Variants in TMEM154 observed in about 807,000 individuals in gnomAD.
TMEM154 encodes transmembrane protein 154.
In TMEM154, 27 loss-of-function variants were observed where a neutral mutation model predicts 24.5. The observed-to-expected ratio is 1.10, with a 90% CI of 0.81 to 1.52. The LOEUF is 1.52. Ranked by LOEUF, TMEM154 falls within the 40% of genes most tolerant of loss-of-function variation. The pLI is 0.00. For missense variants in TMEM154, 228 were observed against 213.4 expected (o/e 1.07, Z -0.43); for synonymous variants, 67 against 76.8 (o/e 0.87, Z 0.67).
rs1385090477 is a variant in TMEM154, at chr4:152,628,440, T to G, written c.*106A>C. On this transcript the variant is annotated 3_prime_UTR_variant, in exon 7 of 7. Coordinates refer to ENST00000304385, the MANE Select transcript of TMEM154 (RefSeq NM_152680.3). ...ACAGCAAAAGGTTCTTGTGTCTATG[T>G]TGATTTGAAATTAATTAAATTTGTA... 5.1e-6 allele frequency: 8 copies of G among 1,564,340 alleles called. 1 individual carries two copies. The highest frequency in any genetic ancestry group is 7.0e-6 in the Non-Finnish European group (8 of 1,139,520).
intron 6 of TMEM154, among the ~76,000 whole-genome samples, chr4:152,631,801 T>C: frequency 1.0e-5 from 1 of 97,270 alleles, no homozygotes; most frequent in Admixed American, 1.1e-4. Context: ...CCCTTTTTTT[T>C]TTTTTTTTTT....
chr4:152,630,865 A>G (rs1339726405), intron 6 of TMEM154, among the ~76,000 whole-genome samples: 1 of 152,164 alleles, frequency 6.6e-6, no homozygotes, highest in Non-Finnish European at 1.5e-5. Flanking sequence ...TATTTTATAT[A>G]TTGTTCTGTA....
chr4:152,630,043 G>C (rs1014113712), intron 6 of TMEM154, among the ~76,000 whole-genome samples: 1 of 152,112 alleles, frequency 6.6e-6, no homozygotes, highest in African/African-American at 2.4e-5. Flanking sequence ...GGTGGGCGTG[G>C]TGGCTCACAG....
In TMEM154 at chr4:152,627,207, T is replaced by C. The variant is rs1307712766; in HGVS notation, c.*1339A>G. On this transcript the variant is annotated 3_prime_UTR_variant, in exon 7 of 7. Transcript: ENST00000304385. The stretch of plus-strand genomic sequence containing the variant: ...AAAGGTAGGAGACAAGTAGTTTTTG[T>C]TATGCATTAGGGCAGACTTTCAAGC... 1 of 152,234 alleles carries C rather than the reference T, an allele frequency of 6.6e-6. No homozygotes were observed. The highest frequency in any genetic ancestry group is 1.5e-5 in the Non-Finnish European group (1 of 68,042). 9.4% of individuals were successfully genotyped at this position (152,234 alleles called of 1,614,324 possible).
intron 1 of TMEM154, among the ~76,000 whole-genome samples, chr4:152,676,974 G>A (rs1489793303): frequency 1.3e-5 from 2 of 152,130 alleles, no homozygotes. Flanking sequence ...AATTGCTTTT[G>A]GTTTTCTGAT....
chr4:152,636,812 T>C (rs1343102697), intron 6 of TMEM154, among the ~76,000 whole-genome samples: 2 of 152,220 alleles, frequency 1.3e-5, no homozygotes, highest in Non-Finnish European at 2.9e-5. Flanking sequence ...CTTTCTAGCA[T>C]CAAGGAAAGT....
intron 3 of TMEM154, chr4:152,647,026 A>G (rs1561049379): frequency 4.0e-6 from 3 of 741,028 alleles, no homozygotes; most frequent in African/African-American, 1.7e-5. Context: ...TCACGTTACT[A>G]CATCATGTTT....
In TMEM154 at chr4:152,627,232, C is replaced by T. The variant is rs1751936350; in HGVS notation, c.*1314G>A. The T allele has an allele frequency of 6.6e-6, 1 of 152,200 alleles. No homozygotes were observed. The highest frequency in any genetic ancestry group is 2.4e-5 in the African/African-American group (1 of 41,450). 9.4% of individuals were successfully genotyped at this position (152,200 alleles called of 1,614,324 possible). A position where few individuals can be genotyped will look rare whatever the true frequency, so the allele number is the denominator to read the frequency against. ...TTATGCATTAGGGCAGACTTTCAAGCACAAGACACAAAATTGAGCAGCAAA... is the reference window on the plus strand; with the variant it reads ...TTATGCATTAGGGCAGACTTTCAAGTACAAGACACAAAATTGAGCAGCAAA... On this transcript the variant is annotated 3_prime_UTR_variant, in exon 7 of 7. Coordinates refer to ENST00000304385, the MANE Select transcript of TMEM154 (RefSeq NM_152680.3).
Position 152,640,966 on chromosome 4 carries a change from A to G in TMEM154, c.498T>C (p.Pro166=), listed in dbSNP as rs375720607. 2.7e-4 allele frequency: 436 copies of G among 1,597,550 alleles called. 1 individual carries two copies. The South Asian group carries it at 4.2e-3, about 15-fold the overall frequency. The change falls in exon 6 of 7, where the codon CCT becomes CCC. Residue 166 remains proline (P), a synonymous_variant. Transcript: ENST00000304385. ...TTGATTCCTTCTCTTCCTTCAAGGT[A>G]GGTAAACATTCAAAGTCGGCTAGGA... ...MNRNADFECL[P]TLKEEKESNH...
chr4:152,652,966 CA>C, intron 1 of TMEM154, 39 bp from the exon 2 acceptor site: 1 of 1,537,412 alleles, frequency 6.5e-7, no homozygotes, highest in Non-Finnish European at 8.7e-7. Flanking sequence ...TCCATGGAGA[CA>C]AAGTTAGTAT....
intron 6 of TMEM154, among the ~76,000 whole-genome samples, chr4:152,638,528 T>C (rs1182591518): frequency 6.6e-6 from 1 of 152,142 alleles, no homozygotes; most frequent in East Asian, 1.9e-4. Flanking sequence ...GAATTTTTTT[T>C]TAATCCAGTG....
intron 6 of TMEM154, among the ~76,000 whole-genome samples, chr4:152,635,895 G>A (rs1244602722): frequency 1.3e-5 from 2 of 152,158 alleles, no homozygotes; most frequent in African/African-American, 4.8e-5. Context: ...CTATGTTGCT[G>A]CTTAATGTAA....
chr4:152,642,182 G>C (rs925053457), intron 5 of TMEM154, among the ~76,000 whole-genome samples: 8 of 151,978 alleles, frequency 5.3e-5, no homozygotes, highest in Admixed American at 3.9e-4. Context: ...GCCTCCAAAA[G>C]TGCTGGGATT....
chr4:152,636,422 C>G (rs921618274), intron 6 of TMEM154, among the ~76,000 whole-genome samples: 1 of 152,232 alleles, frequency 6.6e-6, no homozygotes, highest in African/African-American at 2.4e-5. Context: ...TCCCCTCCCC[C>G]ATGATTCCTT....
Position 152,628,756 on chromosome 4 carries a change from C to A in TMEM154, c.537-195G>T, listed in dbSNP as rs1751974013. ...GGTTCAGGTCATTCTCCTGCCTCAG[C>A]CTCCTGAGTAGCTGGGACTACAGGC... is the stretch of plus-strand genomic sequence containing the variant. On this transcript the variant is annotated intron_variant, in intron 6 of 6. Transcript: ENST00000304385. 2.0e-5 allele frequency among the ~76,000 whole-genome samples: 3 copies of A among 150,334 alleles called. No homozygotes were observed. The South Asian group carries it at 6.3e-4, about 31-fold the overall frequency.
chr4:152,650,920 C>T (rs941358683), intron 3 of TMEM154, among the ~76,000 whole-genome samples: 4 of 152,164 alleles, frequency 2.6e-5, no homozygotes, highest in African/African-American at 9.7e-5. Flanking sequence ...GAGCAGTAGA[C>T]CTTAACAGTG....
In TMEM154 at chr4:152,623,688, T is replaced by C. The variant is rs1373406850; in HGVS notation, c.*4858A>G. The C allele has an allele frequency of 1.3e-5, 2 of 152,174 alleles. No homozygotes were observed. Among genetic ancestry groups the C allele is most frequent in the African/African-American group, 4.8e-5 (2 of 41,438 alleles). The allele number at this position is 152,174 out of a possible 1,614,324, so 9.4% of individuals were successfully genotyped here. A position where few individuals can be genotyped will look rare whatever the true frequency, so the allele number is the denominator to read the frequency against. On this transcript the variant is annotated 3_prime_UTR_variant, in exon 7 of 7. Coordinates refer to ENST00000304385, the MANE Select transcript of TMEM154 (RefSeq NM_152680.3). ...TGAGCCCAGGAGTTTGAGACTAGCT[T>C]GGCCAACATGGCGAAACCCTGTCTC...
chr4:152,648,735 C>T (rs1429211001), intron 3 of TMEM154, among the ~76,000 whole-genome samples: 2 of 152,168 alleles, frequency 1.3e-5, no homozygotes, highest in Non-Finnish European at 2.9e-5. Context: ...TTGAGACTTT[C>T]ACAATGAAAT....
chr4:152,665,800 T>C (rs1421089180), intron 1 of TMEM154, among the ~76,000 whole-genome samples: 1 of 151,396 alleles, frequency 6.6e-6, no homozygotes, highest in Non-Finnish European at 1.5e-5. Flanking sequence ...TTTTTTTTTT[T>C]TTTTTGAGAC....
Sources: allele counts gnomAD v4.1 joint callset (sites outside exome capture counted in the v4.1 genomes callset), GRCh38; gene constraint gnomAD v4.1.1; transcripts MANE v1.5; gene names NCBI Gene and HGNC (gene_info 2026-07-23, HGNC 2026-07-21).